PXYLP1: variants seen among roughly 807,000 people sequenced by gnomAD.
PXYLP1 encodes the protein acid phosphatase-like 2.
A neutral mutation model predicts 37.9 loss-of-function variants in PXYLP1; 17 were observed. The observed-to-expected ratio is 0.45, with a 90% confidence interval of 0.31 to 0.67. The LOEUF (loss-of-function observed/expected upper bound fraction) is 0.67, where lower values mean the gene tolerates loss of function less well. PXYLP1 is among the 30% of genes least tolerant of loss of function. PXYLP1 has a pLI of 0.07. For synonymous variants in PXYLP1, 221 were observed against 232.2 expected (o/e 0.95, Z 0.44); for missense variants, 511 against 612.0 (o/e 0.84, Z 1.74).
intron 2 of PXYLP1, chr3:141,274,127 G>A: frequency 2.0e-6 from 2 of 1,000,062 alleles, no homozygotes; most frequent in African/African-American, 1.7e-5. Flanking sequence ...CCTGCTGGGA[G>A]GAGCAGTGTC....
intron 4 of PXYLP1, 148 bp from the exon 5 acceptor site, chr3:141,287,166 A>T (rs1398990509): frequency 4.8e-5 from 40 of 831,492 alleles, no homozygotes; most frequent in Non-Finnish European, 7.5e-5. Context: ...GAAATAATGA[A>T]ATTGGAACTG....
chr3:141,244,571 A>C (rs1940891541), intron 1 of PXYLP1, among the ~76,000 whole-genome samples: 1 of 149,424 alleles, frequency 6.7e-6, no homozygotes, highest in East Asian at 2.0e-4. Flanking sequence ...GGTTTTACCT[A>C]AGTGAGATTA....
intron 1 of PXYLP1, among the ~76,000 whole-genome samples, chr3:141,243,336 C>T (rs930178651): frequency 2.0e-5 from 3 of 152,218 alleles, no homozygotes; most frequent in Admixed American, 2.0e-4. Flanking sequence ...TTGAGAGTGA[C>T]ATTTCAAGAA....
chr3:141,232,072 C>T (rs1461062584), intron 1 of PXYLP1, 161 bp downstream of exon 1: 1 of 152,250 alleles, frequency 6.6e-6, no homozygotes, highest in Non-Finnish European at 1.5e-5. Context: ...CGCTTCGAAG[C>T]GTCGGGTCCG....
chr3:141,260,017 C>T, intron 1 of PXYLP1, 106 bp from the exon 2 acceptor site: 1 of 744,320 alleles, frequency 1.3e-6, no homozygotes. Context: ...TGCCGGGGGA[C>T]TGGGCTAATC....
intron 1 of PXYLP1, among the ~76,000 whole-genome samples, chr3:141,243,807 G>A (rs1322960318): frequency 6.6e-6 from 1 of 152,236 alleles, no homozygotes; most frequent in Non-Finnish European, 1.5e-5. Flanking sequence ...ATTCCATGTT[G>A]TGATGAGTGT....
Position 141,274,163 on chromosome 3 carries a change from C to A in PXYLP1, c.80-4179C>A, listed in dbSNP as rs191142037. 163 of 1,023,084 alleles carry A rather than the reference C, an allele frequency of 1.6e-4. No homozygotes were observed. In the East Asian group the frequency reaches 0.012, roughly 78 times the overall value. The allele number at this position is 1,023,084 out of a possible 1,614,324, so 63.4% of individuals were successfully genotyped here. Reference sequence around the variant, plus strand: ...CTGGAGCAGTGTCTGCCCCCAGCCCCTGGGTCTGTCCCTCAGCTCCCTTTA... The same window carrying A: ...CTGGAGCAGTGTCTGCCCCCAGCCCATGGGTCTGTCCCTCAGCTCCCTTTA... On this transcript the variant is annotated intron_variant, in intron 2 of 5. Transcript: ENST00000286353.
At chr3:141,290,560 G>A (rs1262394786) in intron 5 of PXYLP1, among the ~76,000 whole-genome samples, 1 of 152,206 alleles carries the variant, frequency 6.6e-6, no homozygotes, top group African/African-American at 2.4e-5. Flanking sequence ...CTTGGAGCCA[G>A]GCCCTGGGAG....
intron 2 of PXYLP1, among the ~76,000 whole-genome samples, chr3:141,268,188 AGAGAGAGAGAGAGAGAGAGT>A (rs1293909929): frequency 3.2e-3 from 324 of 99,996 alleles, no homozygotes; most frequent in African/African-American, 0.011. Context: ...AGAGAGAGAG[AGAGAGAGAGAGAGAGAGAGT>A]GTGTGTGTGT....
At chr3:141,233,078 C>A (rs1940570509) in intron 1 of PXYLP1, among the ~76,000 whole-genome samples, 1 of 100,014 alleles carries the variant, frequency 1.0e-5, no homozygotes, top group African/African-American at 3.1e-5. Context: ...CCCTTTCAAA[C>A]GGGATGCGAC....
At chr3:141,238,723 G>A (rs1181411529) in intron 1 of PXYLP1, among the ~76,000 whole-genome samples, 1 of 151,820 alleles carries the variant, frequency 6.6e-6, no homozygotes, top group African/African-American at 2.4e-5. Context: ...TTAGCCAGAA[G>A]CCTTACTGAT....
At position 141,266,849 on chromosome 3, in the gene PXYLP1, A is replaced by T. The variant is rs112231750; in HGVS notation, c.79+6595A>T. On this transcript the variant is annotated intron_variant, in intron 2 of 5. Coordinates refer to ENST00000286353, the MANE Select transcript of PXYLP1 (RefSeq NM_001037172.3). ...CTTTTTCTGTGCTGCTTTCAGTCTG[A>T]TATCCGCTAAGAAAGAAAATAACAA... Among the ~76,000 whole-genome samples, 257 of 152,180 alleles carry T rather than the reference A, an allele frequency of 1.7e-3. 1 individual carries two copies. The highest frequency in any genetic ancestry group is 5.7e-3 in the African/African-American group (237 of 41,520).
At chr3:141,239,400 C>G (rs1940741103) in intron 1 of PXYLP1, among the ~76,000 whole-genome samples, 1 of 152,202 alleles carries the variant, frequency 6.6e-6, no homozygotes, top group Admixed American at 6.5e-5. Context: ...TCACTGTCTT[C>G]TTTGAGAAAG....
intron 4 of PXYLP1, among the ~76,000 whole-genome samples, chr3:141,281,597 G>T (rs1941957304): frequency 6.6e-6 from 1 of 152,204 alleles, no homozygotes. Flanking sequence ...GAAGTAGTTT[G>T]GGTGCCATAT....
Position 141,292,233 on chromosome 3 carries a change from G to A in PXYLP1, c.506-35G>A, listed in dbSNP as rs1942232266. The A allele has an allele frequency of 6.5e-7, 1 of 1,542,228 alleles. No individual in the cohort carries two copies. Among genetic ancestry groups the A allele is most frequent in the Admixed American group, 2.0e-5 (1 of 49,992 alleles). ...CCCTTGCTGTTTCTTTTGCTCAGCTGGAAGTAAGGTAAGCTTTGTGTGCTT... is the reference window on the plus strand; with the variant it reads ...CCCTTGCTGTTTCTTTTGCTCAGCTAGAAGTAAGGTAAGCTTTGTGTGCTT... On this transcript the variant is annotated intron_variant, in intron 5 of 5. Coordinates refer to ENST00000286353, the MANE Select transcript of PXYLP1 (RefSeq NM_001037172.3). The surrounding 1 kb of genome is among the most constrained non-coding windows in gnomAD (Gnocchi z 4.3).
At chr3:141,263,423 A>T (rs559321023) in intron 2 of PXYLP1, among the ~76,000 whole-genome samples, 1 of 152,334 alleles carries the variant, frequency 6.6e-6, no homozygotes, top group African/African-American at 2.4e-5. Flanking sequence ...GAAATTCCTG[A>T]TGTTTGAATT....
Position 141,267,099 on chromosome 3 carries a change from C to T in PXYLP1, c.79+6845C>T, listed in dbSNP as rs115066280. Among the ~76,000 whole-genome samples the T allele has an allele frequency of 8.2e-3, 1,243 of 152,268 alleles. 12 individuals carry two copies. Among genetic ancestry groups the T allele is most frequent in the African/African-American group, 0.028 (1,169 of 41,552 alleles). On this transcript the variant is annotated intron_variant, in intron 2 of 5. Coordinates refer to ENST00000286353, the MANE Select transcript of PXYLP1 (RefSeq NM_001037172.3). ...TGGTGATAGTGATTCTGCCGAGGCA[C>T]ACGTCTTGATGAAAGTAGCAGGAAG...
intron 2 of PXYLP1, among the ~76,000 whole-genome samples, chr3:141,266,026 T>A (rs1941502997): frequency 6.6e-6 from 1 of 151,740 alleles, no homozygotes; most frequent in Admixed American, 6.6e-5. Flanking sequence ...TGCCTAAGAG[T>A]GGACCTGAGG....
At chr3:141,254,717 T>G (rs762806064) in intron 1 of PXYLP1, among the ~76,000 whole-genome samples, 54 of 152,240 alleles carry the variant, frequency 3.5e-4, no homozygotes, top group Non-Finnish European at 6.8e-4. Flanking sequence ...AAGGGTTTTT[T>G]TTTTTAATTG....
Sources: allele counts gnomAD v4.1 joint callset (sites outside exome capture counted in the v4.1 genomes callset), GRCh38; gene constraint gnomAD v4.1.1; non-coding constraint Gnocchi (gnomAD v3.1); transcripts MANE v1.5; gene names NCBI Gene and HGNC (gene_info 2026-07-23, HGNC 2026-07-21).